Variants in IMPACT observed in about 807,000 individuals in gnomAD.
IMPACT encodes protein IMPACT.
Under a neutral mutation model 47.5 loss-of-function variants are expected in IMPACT, and 35 were observed. That is an observed-to-expected ratio of 0.74 (90% CI 0.56 to 0.98). The LOEUF (loss-of-function observed/expected upper bound fraction) is 0.98. Ranked by LOEUF, IMPACT falls within the 50% of genes least tolerant of loss-of-function variation. The probability of loss-of-function intolerance (pLI) is 0.00; values close to 1 mark genes in which losing one functional copy is unlikely to be tolerated. For synonymous variants in IMPACT, 118 were observed against 125.6 expected (o/e 0.94, Z 0.40); for missense variants, 373 against 394.8 (o/e 0.94, Z 0.47).
chr18:24,446,727 C>A (rs1305565048), intron 8 of IMPACT, among the ~76,000 whole-genome samples: 1 of 152,140 alleles, frequency 6.6e-6, no homozygotes, highest in Non-Finnish European at 1.5e-5. Flanking sequence ...TTATGTAATT[C>A]CCCTCTTAAT....
rs895939976 is a variant in IMPACT, at chr18:24,449,668, C to T, written c.760-151C>T. ...TCCCTGAATTGTTAGTAATCTCACT[C>T]AGTGCCTACTCACTCATATGGCTCT... On this transcript the variant is annotated intron_variant, in intron 9 of 10. Transcript: ENST00000284202. The T allele has an allele frequency of 8.2e-6, 5 of 613,190 alleles. No individual in the cohort carries two copies. The Admixed American group carries it at 1.1e-4, about 14-fold the overall frequency. The allele number at this position is 613,190 out of a possible 1,614,324, so 38.0% of individuals were successfully genotyped here. A position where few individuals can be genotyped will look rare whatever the true frequency, so the allele number is the denominator to read the frequency against.
chr18:24,442,134 G>T (rs1374509268), intron 6 of IMPACT, among the ~76,000 whole-genome samples: 1 of 151,386 alleles, frequency 6.6e-6, no homozygotes, highest in Admixed American at 6.6e-5. Flanking sequence ...ACAGAATTGA[G>T]GGTTAATTAG....
At chr18:24,442,139 A>C (rs1013764212) in intron 6 of IMPACT, among the ~76,000 whole-genome samples, 4 of 150,712 alleles carry the variant, frequency 2.7e-5, no homozygotes, top group African/African-American at 9.8e-5. Flanking sequence ...ATTGAGGGTT[A>C]ATTAGTGATT....
chr18:24,439,834 G>A (rs1350942256), intron 5 of IMPACT, among the ~76,000 whole-genome samples: 2 of 151,948 alleles, frequency 1.3e-5, no homozygotes, highest in Non-Finnish European at 2.9e-5. Context: ...ACAAATATAT[G>A]GGTACTGTGG....
chr18:24,435,086 A>G (rs1057038645), intron 4 of IMPACT, among the ~76,000 whole-genome samples: 6 of 151,000 alleles, frequency 4.0e-5, no homozygotes, highest in Non-Finnish European at 8.8e-5. Context: ...TGATCCTCCC[A>G]CCTTAGCCTC....
At chr18:24,446,924 G>A (rs1190720468) in intron 8 of IMPACT, among the ~76,000 whole-genome samples, 4 of 152,116 alleles carry the variant, frequency 2.6e-5, no homozygotes, top group Middle Eastern at 3.2e-3. Context: ...TTATTAGTTA[G>A]CAATTCTAGC....
At chr18:24,433,475 A>G (rs1405321588) in intron 4 of IMPACT, among the ~76,000 whole-genome samples, 1 of 150,600 alleles carries the variant, frequency 6.6e-6, no homozygotes, top group Non-Finnish European at 1.5e-5. Flanking sequence ...CTGGGATTAC[A>G]GGCGTGAGCC....
At chr18:24,436,843 G>T (rs1908959840) in intron 4 of IMPACT, among the ~76,000 whole-genome samples, 1 of 151,966 alleles carries the variant, frequency 6.6e-6, no homozygotes. Flanking sequence ...CCCGGCTCTG[G>T]GATGTTCTTA....
intron 6 of IMPACT, among the ~76,000 whole-genome samples, chr18:24,441,295 T>C (rs1006897989): frequency 4.6e-5 from 7 of 152,158 alleles, no homozygotes; most frequent in African/African-American, 1.7e-4. Flanking sequence ...CCAAGTTCAG[T>C]GATTCTCCTG....
chr18:24,450,788 T>C lies in IMPACT; in HGVS notation c.904T>C (p.Ser302Pro). The change falls in exon 11 of 11, where the codon TCT becomes CCT. Residue 302 changes from serine (S) to proline (P), a missense_variant. Physicochemically the swap from Ser to Pro is moderately conservative, Grantham distance 74. Coordinates refer to ENST00000284202, the MANE Select transcript of IMPACT (RefSeq NM_018439.4). ...KNYTNSPEES[S>P]KALGKNKKVR... ...TTTGTGTCTTTTTCAGGAGGAGTCA[T>C]CTAAGGCTTTGGGAAAGAACAAAAA... 1 of 1,609,474 alleles carries C rather than the reference T, an allele frequency of 6.2e-7. No individual in the cohort carries two copies. Among genetic ancestry groups the C allele is most frequent in the African/African-American group, 1.3e-5 (1 of 74,930 alleles).
In IMPACT at chr18:24,440,588, T is replaced by C. The variant is rs1909081024; in HGVS notation, c.460T>C (p.Leu154=). The part of the protein sequence containing the change: ...ACQPESSLKA[L]DFDISETRTE... Reference sequence around the variant, plus strand: ...TCAGCCGGAAAGTTCGCTTAAAGCATTGGATTTTGATATCAGTGAAACTCG... The same window carrying C: ...TCAGCCGGAAAGTTCGCTTAAAGCACTGGATTTTGATATCAGTGAAACTCG... The change falls in exon 6 of 11, where the codon TTG becomes CTG. Residue 154 remains leucine (L), a synonymous_variant. Coordinates refer to ENST00000284202, the MANE Select transcript of IMPACT (RefSeq NM_018439.4). The C allele has an allele frequency of 1.9e-6, 3 of 1,613,248 alleles. No homozygotes were observed. Among genetic ancestry groups the C allele is most frequent in the Non-Finnish European group, 2.5e-6 (3 of 1,179,536 alleles).
intron 9 of IMPACT, among the ~76,000 whole-genome samples, chr18:24,448,562 G>T (rs1909303971): frequency 6.6e-6 from 1 of 150,892 alleles, no homozygotes; most frequent in African/African-American, 2.4e-5. Flanking sequence ...TTTAAATTGA[G>T]TTGTCCATCT....
Position 24,426,748 on chromosome 18 carries a change from A to G in IMPACT, c.-9A>G. 6.4e-6 allele frequency: 8 copies of G among 1,245,188 alleles called. No homozygotes were observed. Among genetic ancestry groups the G allele is most frequent in the Non-Finnish European group, 8.1e-6 (8 of 993,240 alleles). The allele number at this position is 1,245,188 out of a possible 1,614,324, so 77.1% of individuals were successfully genotyped here. A position where few individuals can be genotyped will look rare whatever the true frequency, so the allele number is the denominator to read the frequency against. On this transcript the variant is annotated 5_prime_UTR_variant, in exon 1 of 11. Transcript: ENST00000284202. ...CAGGCGGCGGCTGCAGGGCAGGTCC[A>G]GGGGCCACATGGCTGAGGGGGACGC...
At chr18:24,434,866 A>C (rs1028791763) in intron 4 of IMPACT, among the ~76,000 whole-genome samples, 1 of 122,810 alleles carries the variant, frequency 8.1e-6, no homozygotes, top group Non-Finnish European at 1.6e-5. Flanking sequence ...ATGTGTATAT[A>C]TATGTGTATA....
intron 4 of IMPACT, among the ~76,000 whole-genome samples, chr18:24,431,417 A>G (rs629021): frequency 0.92 from 139,985 of 152,198 alleles, 64,570 homozygotes; most frequent in Admixed American, 0.95. Context: ...GACAAGACAG[A>G]TCCTGCAGAG....
chr18:24,441,511 A>G (rs1340264593), intron 6 of IMPACT, among the ~76,000 whole-genome samples: 1 of 152,160 alleles, frequency 6.6e-6, no homozygotes, highest in African/African-American at 2.4e-5. Flanking sequence ...TTTGTTTCGT[A>G]ATCGAGTAGT....
intron 4 of IMPACT, chr18:24,435,343 T>G (rs992396244): frequency 1.3e-5 from 2 of 152,202 alleles, no homozygotes; most frequent in Admixed American, 1.3e-4. Context: ...AAACAAAAAG[T>G]AAATACACTT....
rs1176271804 is a variant in IMPACT, at chr18:24,451,707, T to G, written c.*860T>G. 6.6e-6 allele frequency: 1 copy of G among 152,184 alleles called. No individual in the cohort carries two copies. The highest frequency in any genetic ancestry group is 2.4e-5 in the African/African-American group (1 of 41,448). 9.4% of individuals were successfully genotyped at this position (152,184 alleles called of 1,614,324 possible). A position where few individuals can be genotyped will look rare whatever the true frequency, so the allele number is the denominator to read the frequency against. On this transcript the variant is annotated 3_prime_UTR_variant, in exon 11 of 11. Coordinates refer to ENST00000284202, the MANE Select transcript of IMPACT (RefSeq NM_018439.4). ...AAGTTAGGCTGTGGCAAATGGGACA[T>G]TCGTAGAGTGGGATAGAGGTGGCAG...
intron 5 of IMPACT, among the ~76,000 whole-genome samples, chr18:24,440,035 A>G (rs919396022): frequency 2.0e-5 from 3 of 151,928 alleles, no homozygotes; most frequent in Admixed American, 6.6e-5. Flanking sequence ...ATGATTTTCT[A>G]TTTTCTTCAT....
Sources: gnomAD v4.1 joint callset for allele counts (sites outside exome capture counted in the v4.1 genomes callset) on GRCh38, gnomAD v4.1.1 for gene constraint, MANE v1.5 for transcripts, NCBI Gene and HGNC (gene_info 2026-07-23, HGNC 2026-07-21) for gene names.